PTPRM: variants seen among roughly 807,000 people sequenced by gnomAD.
The protein encoded by PTPRM is receptor-type tyrosine-protein phosphatase mu.
PTPRM carries 47 observed loss-of-function variants against 186.7 expected under a neutral mutation model. The ratio of observed to expected loss-of-function variants is 0.25; its 90% CI spans 0.20 to 0.32. The LOEUF (loss-of-function observed/expected upper bound fraction) is 0.32, where lower values mean the gene tolerates loss of function less well. PTPRM is among the 10% of genes least tolerant of loss of function. The pLI, the probability that PTPRM is intolerant of heterozygous loss-of-function variation, is 1.00. For synonymous variants in PTPRM, 668 were observed against 674.9 expected (o/e 0.99, Z 0.16); for missense variants, 1,494 against 1,865.0 (o/e 0.80, Z 3.66).
chr18:7,646,779 C>T (rs985680886), intron 1 of PTPRM, among the ~76,000 whole-genome samples: 3 of 152,058 alleles, frequency 2.0e-5, no homozygotes, highest in East Asian at 3.9e-4. Context: ...TGGTACTGGC[C>T]GCTCCTTCAT....
At chr18:7,699,970 T>C (rs1214202498) in intron 1 of PTPRM, among the ~76,000 whole-genome samples, 1 of 152,174 alleles carries the variant, frequency 6.6e-6, no homozygotes, top group African/African-American at 2.4e-5. Context: ...CTTTCCCTCA[T>C]TGCACTACAG....
intron 13 of PTPRM, among the ~76,000 whole-genome samples, chr18:8,128,699 T>A (rs633126): frequency 0.66 from 100,676 of 151,990 alleles, 35,713 homozygotes; most frequent in East Asian, 0.89. Flanking sequence ...TCTTGTCATT[T>A]TTTGGAATGG....
chr18:7,695,777 G>T (rs951462021), intron 1 of PTPRM, among the ~76,000 whole-genome samples: 1 of 152,150 alleles, frequency 6.6e-6, no homozygotes, highest in Non-Finnish European at 1.5e-5. Flanking sequence ...GCCCACAACT[G>T]ATGGCCACCC....
chr18:7,820,836 T>C (rs567535242), intron 2 of PTPRM, among the ~76,000 whole-genome samples: 40 of 152,270 alleles, frequency 2.6e-4, no homozygotes, highest in Non-Finnish European at 4.7e-4. Context: ...CAAACTGCCA[T>C]TTGCAGCCTG....
intron 1 of PTPRM, among the ~76,000 whole-genome samples, chr18:7,592,213 C>G (rs2037144378): frequency 6.6e-6 from 1 of 152,004 alleles, no homozygotes; most frequent in South Asian, 2.1e-4. Flanking sequence ...TTTTTAAGAG[C>G]CACCTGAAAA....
At chr18:8,129,864 T>G (rs2092459892) in intron 13 of PTPRM, among the ~76,000 whole-genome samples, 1 of 152,172 alleles carries the variant, frequency 6.6e-6, no homozygotes, top group South Asian at 2.1e-4. Flanking sequence ...TTAAATACTT[T>G]CACCAACCTT....
In PTPRM at chr18:8,289,514, G is replaced by A. The variant is rs1056295876; in HGVS notation, c.2755-6854G>A. Among the ~76,000 whole-genome samples the A allele has an allele frequency of 3.5e-4, 31 of 89,804 alleles. 1 individual carries two copies. Among genetic ancestry groups the A allele is most frequent in the Non-Finnish European group, 4.8e-4 (22 of 45,364 alleles). 58.9% of individuals were successfully genotyped at this position (89,804 alleles called of 152,430 possible). A position where few individuals can be genotyped will look rare whatever the true frequency, so the allele number is the denominator to read the frequency against. ...CATATATGTATATATGTGTGTGTATGTATATATATACATATATATACACAT... is the reference window on the plus strand; with the variant it reads ...CATATATGTATATATGTGTGTGTATATATATATATACATATATATACACAT... On this transcript the variant is annotated intron_variant, in intron 19 of 32. Transcript: ENST00000580170.
At chr18:8,315,369 G>A (rs1421458693) in intron 21 of PTPRM, among the ~76,000 whole-genome samples, 1 of 152,186 alleles carries the variant, frequency 6.6e-6, no homozygotes, top group Non-Finnish European at 1.5e-5. Context: ...TGTTCACCAG[G>A]ACTTCTAATG....
intron 7 of PTPRM, among the ~76,000 whole-genome samples, chr18:8,064,967 C>T (rs1415366813): frequency 1.3e-5 from 2 of 152,148 alleles, no homozygotes; most frequent in African/African-American, 2.4e-5. Context: ...TGAAGGGGCC[C>T]ACCATGCCAT....
intron 1 of PTPRM, among the ~76,000 whole-genome samples, chr18:7,695,275 A>G (rs948909792): frequency 6.6e-6 from 1 of 152,166 alleles, no homozygotes; most frequent in African/African-American, 2.4e-5. Context: ...TATGCTTTAG[A>G]TGTAAGACTG....
intron 1 of PTPRM, among the ~76,000 whole-genome samples, chr18:7,694,749 AAAATATC>A (rs1387553304): frequency 1.3e-5 from 2 of 152,196 alleles, no homozygotes; most frequent in African/African-American, 4.8e-5. Context: ...ACAGCCGTAT[AAAATATC>A]TATAGAAGGA....
At chr18:8,088,918 A>C in intron 11 of PTPRM, 67 bp downstream of exon 11, 9 of 1,239,782 alleles carry the variant, frequency 7.3e-6, no homozygotes, top group Non-Finnish European at 1.1e-5. Flanking sequence ...TAATTCCTCC[A>C]ATGTGTTTTC....
chr18:7,946,337 C>A (rs566468055), intron 5 of PTPRM, among the ~76,000 whole-genome samples: 1 of 152,274 alleles, frequency 6.6e-6, no homozygotes, highest in African/African-American at 2.4e-5. Flanking sequence ...ATTCATGCCG[C>A]AAGTAAATAG....
chr18:7,734,057 A>G (rs2040717696), intron 1 of PTPRM, among the ~76,000 whole-genome samples: 1 of 152,254 alleles, frequency 6.6e-6, no homozygotes, highest in South Asian at 2.1e-4. Context: ...TGAAGGGGTC[A>G]GAACTCTCAG....
intron 1 of PTPRM, among the ~76,000 whole-genome samples, chr18:7,735,684 C>T (rs923182650): frequency 6.6e-6 from 1 of 152,090 alleles, no homozygotes; most frequent in Non-Finnish European, 1.5e-5. Context: ...TGCAGTCCTT[C>T]CCAGTCCTAA....
rs1054110136 is a variant in PTPRM at position 8,088,433 on chromosome 18, G to A, written c.1754-316G>A. ...TGTACCAATTGTAAGTGTACAGCTC[G>A]GTGATTTTTCACAAGCTATGCTCAT... On this transcript the variant is annotated intron_variant, in intron 10 of 32. Coordinates refer to ENST00000580170, the MANE Select transcript of PTPRM (RefSeq NM_001105244.2). Among the ~76,000 whole-genome samples, 6 of 152,140 alleles carry A rather than the reference G, an allele frequency of 3.9e-5. No individual in the cohort carries two copies. In the East Asian group the frequency reaches 5.8e-4, roughly 15 times the overall value.
chr18:7,654,066 C>T (rs566702936), intron 1 of PTPRM, among the ~76,000 whole-genome samples: 1 of 152,066 alleles, frequency 6.6e-6, no homozygotes. Flanking sequence ...CTCTAATGAT[C>T]GGTGATGTTG....
intron 14 of PTPRM, among the ~76,000 whole-genome samples, chr18:8,205,396 G>A (rs7241083): frequency 0.7 from 105,820 of 152,090 alleles, 37,178 homozygotes; most frequent in East Asian, 0.87. Context: ...CATTTTTGAG[G>A]TATATACAAA....
chr18:8,022,079 T>C (rs1318221649), intron 7 of PTPRM, among the ~76,000 whole-genome samples: 1 of 152,224 alleles, frequency 6.6e-6, no homozygotes, highest in Admixed American at 6.5e-5. Flanking sequence ...GCCTGCCTCA[T>C]AGGGAGAACT....
Sources: gnomAD v4.1 joint callset for allele counts (sites outside exome capture counted in the v4.1 genomes callset) on GRCh38, gnomAD v4.1.1 for gene constraint, MANE v1.5 for transcripts, NCBI Gene and HGNC (gene_info 2026-07-23, HGNC 2026-07-21) for gene names.